Variants in TMEM135 observed in about 807,000 individuals in gnomAD.
TMEM135 encodes the protein transmembrane protein 135.
TMEM135 carries 30 observed loss-of-function variants against 60.3 expected under a neutral mutation model. The observed-to-expected ratio is 0.50, with a 90% CI of 0.37 to 0.68. The LOEUF (loss-of-function observed/expected upper bound fraction) is 0.68. Ranked by LOEUF, TMEM135 falls within the 30% of genes least tolerant of loss-of-function variation. The pLI is 0.00. For synonymous variants in TMEM135, 190 were observed against 186.7 expected (o/e 1.02, Z -0.14); for missense variants, 468 against 548.8 (o/e 0.85, Z 1.47).
intron 1 of TMEM135, among the ~76,000 whole-genome samples, chr11:87,066,568 A>G (rs1856657999): frequency 6.7e-6 from 1 of 149,872 alleles, no homozygotes; most frequent in African/African-American, 2.5e-5. Context: ...GTTTTAATCT[A>G]GAAATCTTCC....
chr11:87,231,889 A>G (rs1365248207), intron 5 of TMEM135, among the ~76,000 whole-genome samples: 1 of 152,084 alleles, frequency 6.6e-6, no homozygotes, highest in African/African-American at 2.4e-5. Context: ...GCAGAATAAA[A>G]TATTAGTGAA....
chr11:87,242,268 T>C (rs1170982442), intron 6 of TMEM135, among the ~76,000 whole-genome samples: 1 of 151,956 alleles, frequency 6.6e-6, no homozygotes, highest in Non-Finnish European at 1.5e-5. Context: ...ACATTTGGGT[T>C]GGTTCTAAGT....
chr11:87,067,153 T>G (rs1328930150), intron 1 of TMEM135, among the ~76,000 whole-genome samples: 5 of 147,756 alleles, frequency 3.4e-5, no homozygotes, highest in Non-Finnish European at 6.0e-5. Context: ...CATTATTTTT[T>G]AAATTTACTA....
At chr11:87,174,544 A>C (rs1183369930) in intron 5 of TMEM135, among the ~76,000 whole-genome samples, 1 of 152,180 alleles carries the variant, frequency 6.6e-6, no homozygotes, top group East Asian at 1.9e-4. Context: ...AGCAGTGTTA[A>C]AAAGCATGTG....
intron 4 of TMEM135, among the ~76,000 whole-genome samples, chr11:87,147,255 G>A (rs1049710022): frequency 1.4e-4 from 21 of 152,132 alleles, no homozygotes; most frequent in Non-Finnish European, 1.0e-4. Context: ...CCTGGCAGGC[G>A]AAGGTTGCAA....
At chr11:87,135,275 A>G (rs1354710767) in intron 4 of TMEM135, among the ~76,000 whole-genome samples, 2 of 151,964 alleles carry the variant, frequency 1.3e-5, no homozygotes, top group African/African-American at 2.4e-5. Context: ...TTATTGATTC[A>G]CTTGATGTGT....
intron 6 of TMEM135, among the ~76,000 whole-genome samples, chr11:87,287,441 G>T (rs1398153747): frequency 6.6e-6 from 1 of 152,206 alleles, no homozygotes; most frequent in African/African-American, 2.4e-5. Flanking sequence ...CACTTTGGGA[G>T]GCTGAGGCGG....
chr11:87,144,871 T>C lies in TMEM135; in HGVS notation c.397-12470T>C, dbSNP rs553481241. Among the ~76,000 whole-genome samples, 20 of 152,254 alleles carry C rather than the reference T, an allele frequency of 1.3e-4. No homozygotes were observed. In the South Asian group the frequency reaches 4.1e-3, roughly 32 times the overall value. ...TATACATTTATTGGGAACAAAGCAA[T>C]GTTATAATCTATGAATACAATGTGG... On this transcript the variant is annotated intron_variant, in intron 4 of 14. Coordinates refer to ENST00000305494, the MANE Select transcript of TMEM135 (RefSeq NM_022918.4).
At chr11:87,212,027 G>A (rs1000317996) in intron 5 of TMEM135, among the ~76,000 whole-genome samples, 4 of 152,084 alleles carry the variant, frequency 2.6e-5, no homozygotes, top group African/African-American at 9.7e-5. Flanking sequence ...TTTTTCATAT[G>A]TAAAACAAGT....
chr11:87,071,578 G>T lies in TMEM135; in HGVS notation c.325G>T (p.Ala109Ser), dbSNP rs1326762607. Residue 109 changes from alanine (A) to serine (S), a missense_variant, in exon 3 of 15, where the codon GCA (alanine) becomes TCA (serine). By Grantham distance (99) the Ala-to-Ser change is moderately conservative. Coordinates refer to ENST00000305494, the MANE Select transcript of TMEM135 (RefSeq NM_022918.4). Reference protein sequence around the residue: ...WTPGFGAALPASYVAILIERK... With the variant: ...WTPGFGAALPSSYVAILIERK... ...TCCTGGCTTTGGTGCCGCTCTGCCA[G>T]CATCTTATGTGGCCATTCTCATTGA... 13 of 1,613,720 alleles carry T rather than the reference G, an allele frequency of 8.1e-6. No individual in the cohort carries two copies. In the East Asian group the frequency reaches 2.7e-4, roughly 33 times the overall value.
chr11:87,090,673 G>A (rs1216143329), intron 3 of TMEM135, among the ~76,000 whole-genome samples: 3 of 152,080 alleles, frequency 2.0e-5, no homozygotes, highest in African/African-American at 7.2e-5. Flanking sequence ...TTTCTCATAT[G>A]CAGTATAAGC....
chr11:87,324,508 A>G lies in TMEM135; in HGVS notation c.*3175A>G, dbSNP rs1235048585. The G allele has an allele frequency of 1.8e-5, 8 of 453,420 alleles. No individual in the cohort carries two copies. Among genetic ancestry groups the G allele is most frequent in the South Asian group, 3.1e-5 (2 of 64,284 alleles). 28.1% of individuals were successfully genotyped at this position (453,420 alleles called of 1,614,324 possible). On this transcript the variant is annotated 3_prime_UTR_variant, in exon 15 of 15. Transcript: ENST00000305494. ...GCAATCATAGCTCATTGAAACCTCA[A>G]ATTCCTTGGTTCAAGCAATTATTTC...
intron 4 of TMEM135, among the ~76,000 whole-genome samples, chr11:87,132,914 T>C (rs1048807761): frequency 6.6e-6 from 1 of 152,152 alleles, no homozygotes; most frequent in African/African-American, 2.4e-5. Flanking sequence ...AACAAAGCCG[T>C]TATAACAATA....
chr11:87,038,032 C>G lies in TMEM135; in HGVS notation c.-14C>G. On this transcript the variant is annotated 5_prime_UTR_variant, in exon 1 of 15. Coordinates refer to ENST00000305494, the MANE Select transcript of TMEM135 (RefSeq NM_022918.4). ...GGCTCTCCCCCTCCTGTCTTCTCCG[C>G]GCTGTTCCTCGTCATGGCGGCCCTC... The G allele has an allele frequency of 6.2e-7, 1 of 1,613,886 alleles. No homozygotes were observed. Among genetic ancestry groups the G allele is most frequent in the South Asian group, 1.1e-5 (1 of 91,072 alleles).
In TMEM135 at chr11:87,328,386, G is replaced by C. The variant is rs111857113; in HGVS notation, c.*7053G>C. 1.8e-5 allele frequency: 8 copies of C among 453,950 alleles called. No individual in the cohort carries two copies. The highest frequency in any genetic ancestry group is 8.0e-5 in the African/African-American group (4 of 50,072). The allele number at this position is 453,950 out of a possible 1,614,324, so 28.1% of individuals were successfully genotyped here. ...CTTATTTTTATTTCAGTAGCTTTTG[G>C]GGTACAAGTGGTTTTTGGTTGCATG... On this transcript the variant is annotated 3_prime_UTR_variant, in exon 15 of 15. Transcript: ENST00000305494.
intron 5 of TMEM135, among the ~76,000 whole-genome samples, chr11:87,169,524 T>A (rs1406011385): frequency 2.6e-5 from 4 of 152,066 alleles, no homozygotes; most frequent in Non-Finnish European, 5.9e-5. Flanking sequence ...TAGCATTTGC[T>A]TGTCTGTAAA....
At position 87,324,890 on chromosome 11, in the gene TMEM135, C is replaced by A. The variant is rs1268816236; in HGVS notation, c.*3557C>A. The A allele has an allele frequency of 2.2e-6, 1 of 453,964 alleles. No individual in the cohort carries two copies. Among genetic ancestry groups the A allele is most frequent in the South Asian group, 1.6e-5 (1 of 64,462 alleles). 28.1% of individuals were successfully genotyped at this position (453,964 alleles called of 1,614,324 possible). ...ATCATTTTCACATAGTAGAATACTT[C>A]ACTCAGCTGAAAATGAGTGGCCAAG... On this transcript the variant is annotated 3_prime_UTR_variant, in exon 15 of 15. Transcript: ENST00000305494.
In TMEM135 at chr11:87,158,950, TA is replaced by T. The variant is rs543407267; in HGVS notation, c.462+1545del. ...ATTTCAGATTTTAGTAATTACTATA[TA>T]TTTTTTTCATAGGGTGGGCAATGAA... On this transcript the variant is annotated intron_variant, in intron 5 of 14. Transcript: ENST00000305494. Among the ~76,000 whole-genome samples, 428 of 152,324 alleles carry T rather than the reference TA, an allele frequency of 2.8e-3. 3 individuals carry two copies. Among genetic ancestry groups the T allele is most frequent in the African/African-American group, 9.8e-3 (409 of 41,572 alleles).
rs1243796236 is a variant in TMEM135, at chr11:87,123,526, A to AGACC, written c.396+32132_396+32135dup. Among the ~76,000 whole-genome samples the AGACC allele has an allele frequency of 2.6e-5, 4 of 152,330 alleles. No individual in the cohort carries two copies. The East Asian group carries it at 7.7e-4, about 29-fold the overall frequency. On this transcript the variant is annotated intron_variant, in intron 4 of 14. Coordinates refer to ENST00000305494, the MANE Select transcript of TMEM135 (RefSeq NM_022918.4). ...TACATTAGCTTGATTACATCTGCAAAGACCCTATTTCCAAATAAGGTCACT... is the reference window on the plus strand; with the variant it reads ...TACATTAGCTTGATTACATCTGCAAAGACCGACCCTATTTCCAAATAAGGTCACT...
Sources: gnomAD v4.1 joint callset for allele counts (sites outside exome capture counted in the v4.1 genomes callset) on GRCh38, gnomAD v4.1.1 for gene constraint, MANE v1.5 for transcripts, NCBI Gene and HGNC (gene_info 2026-07-23, HGNC 2026-07-21) for gene names.